Variants in NTRK2 observed in about 807,000 individuals in gnomAD.
NTRK2 encodes the protein BDNF/NT-3 growth factors receptor.
A neutral mutation model predicts 94.5 loss-of-function variants in NTRK2; 13 were observed. That is an observed-to-expected ratio of 0.14 (90% CI 0.09 to 0.22). NTRK2 has a LOEUF of 0.22. Ranked by LOEUF, NTRK2 falls within the 10% of genes least tolerant of loss-of-function variation. The pLI is 1.00. For missense variants in NTRK2, 639 were observed against 1,071.2 expected (o/e 0.60, Z 5.63); for synonymous variants, 372 against 407.4 (o/e 0.91, Z 1.05).
intron 14 of NTRK2, among the ~76,000 whole-genome samples, chr9:84,908,538 A>T (rs922171212): frequency 6.6e-6 from 1 of 152,322 alleles, no homozygotes; most frequent in East Asian, 1.9e-4. Flanking sequence ...TATTTCTCTC[A>T]TTTGCAGCAA....
intron 6 of NTRK2, among the ~76,000 whole-genome samples, chr9:84,714,626 G>T (rs1215082629): frequency 6.6e-6 from 1 of 152,048 alleles, no homozygotes; most frequent in Non-Finnish European, 1.5e-5. Flanking sequence ...CTAGAATGTT[G>T]GATTTAAATT....
At chr9:84,974,003 T>C (rs953666066) in intron 17 of NTRK2, among the ~76,000 whole-genome samples, 4 of 152,144 alleles carry the variant, frequency 2.6e-5, no homozygotes, top group African/African-American at 9.7e-5. Flanking sequence ...CATCAGAAGA[T>C]GCATTTTATC....
intron 14 of NTRK2, chr9:84,871,691 A>G: frequency 2.0e-6 from 2 of 1,003,000 alleles, no homozygotes; most frequent in South Asian, 2.5e-5. Context: ...TTTCATTTAC[A>G]AAGTCCAGAG....
At chr9:84,869,050 C>T (rs771081576) in intron 14 of NTRK2, among the ~76,000 whole-genome samples, 3 of 152,124 alleles carry the variant, frequency 2.0e-5, no homozygotes, top group Non-Finnish European at 2.9e-5. Context: ...ATCGAACAAA[C>T]GAGCAAGAGA....
At chr9:84,690,397 T>C (rs2131536123) in intron 2 of NTRK2, among the ~76,000 whole-genome samples, 1 of 152,372 alleles carries the variant, frequency 6.6e-6, no homozygotes, top group Admixed American at 6.5e-5. Context: ...TGTGTTCTGC[T>C]GTGATTCGTG....
At chr9:84,818,352 T>G (rs969520661) in intron 12 of NTRK2, among the ~76,000 whole-genome samples, 3 of 152,188 alleles carry the variant, frequency 2.0e-5, no homozygotes, top group African/African-American at 7.2e-5. Context: ...CTTAGGTTCA[T>G]GCAAGTGCCC....
At chr9:84,918,297 C>A (rs940348310) in intron 14 of NTRK2, among the ~76,000 whole-genome samples, 1 of 151,930 alleles carries the variant, frequency 6.6e-6, no homozygotes, top group African/African-American at 2.4e-5. Flanking sequence ...TGATGTCTTC[C>A]TACCTCTTTT....
intron 12 of NTRK2, among the ~76,000 whole-genome samples, chr9:84,833,287 G>A (rs970024913): frequency 6.6e-6 from 1 of 152,160 alleles, no homozygotes; most frequent in African/African-American, 2.4e-5. Context: ...ATCCACACTA[G>A]AGGAACTAAG....
At chr9:84,799,874 C>T (rs1383115885) in intron 12 of NTRK2, among the ~76,000 whole-genome samples, 3 of 152,138 alleles carry the variant, frequency 2.0e-5, no homozygotes, top group Non-Finnish European at 2.9e-5. Flanking sequence ...AACATCTAAA[C>T]CATGATATTC....
At chr9:84,685,215 T>A (rs559860449) in intron 2 of NTRK2, among the ~76,000 whole-genome samples, 9 of 152,260 alleles carry the variant, frequency 5.9e-5, no homozygotes, top group South Asian at 2.1e-4. Context: ...AGTTATGTAA[T>A]GCTATCTTTC....
intron 12 of NTRK2, among the ~76,000 whole-genome samples, chr9:84,759,990 T>A (rs1301856864): frequency 6.6e-6 from 1 of 152,210 alleles, no homozygotes. Flanking sequence ...TGGGAATACA[T>A]TTAGCTCTAA....
intron 12 of NTRK2, among the ~76,000 whole-genome samples, chr9:84,772,662 C>T (rs1286377418): frequency 1.3e-5 from 2 of 152,116 alleles, no homozygotes; most frequent in Non-Finnish European, 2.9e-5. Flanking sequence ...ATGTAAGAAG[C>T]CCCACAAAAG....
At chr9:84,790,075 C>T (rs531014905) in intron 12 of NTRK2, among the ~76,000 whole-genome samples, 7 of 152,266 alleles carry the variant, frequency 4.6e-5, no homozygotes, top group South Asian at 2.1e-4. Context: ...TTTTTTAGTA[C>T]GGACATCCTC....
At chr9:84,673,757 C>T (rs983004400) in intron 2 of NTRK2, among the ~76,000 whole-genome samples, 1 of 152,076 alleles carries the variant, frequency 6.6e-6, no homozygotes, top group African/African-American at 2.4e-5. Context: ...GTCATTGAAC[C>T]TATTTTATTA....
chr9:85,021,305 C>T lies in NTRK2; in HGVS notation c.2385C>T (p.Pro795=), dbSNP rs760177070. The T allele has an allele frequency of 3.7e-6, 6 of 1,614,078 alleles. No individual in the cohort carries two copies. The South Asian group carries it at 6.6e-5, about 18-fold the overall frequency. The change falls in exon 19 of 19, where the codon CCC becomes CCT. Residue 795 remains proline (P), a synonymous_variant. Transcript: ENST00000277120. The part of the protein sequence containing the change: ...GRVLQRPRTC[P]QEVYELMLGC... ...TCCTGCAGCGACCCCGCACGTGCCCCCAGGAGGTGTATGAGCTGATGCTGG... is the reference window on the plus strand; with the variant it reads ...TCCTGCAGCGACCCCGCACGTGCCCTCAGGAGGTGTATGAGCTGATGCTGG...
At chr9:84,957,639 G>T (rs1564501764) in intron 17 of NTRK2, among the ~76,000 whole-genome samples, 1 of 152,172 alleles carries the variant, frequency 6.6e-6, no homozygotes, top group Admixed American at 6.5e-5. Flanking sequence ...TACTCTCCTG[G>T]TGGGAATGTG....
intron 15 of NTRK2, among the ~76,000 whole-genome samples, chr9:84,942,593 A>G (rs956696889): frequency 1.3e-5 from 2 of 152,210 alleles, no homozygotes; most frequent in African/African-American, 4.8e-5. Context: ...CACATTTGTA[A>G]TTTTGAACTT....
chr9:84,954,281 A>G (rs1823833279), intron 16 of NTRK2, among the ~76,000 whole-genome samples: 2 of 152,152 alleles, frequency 1.3e-5, no homozygotes, highest in African/African-American at 4.8e-5. Flanking sequence ...ACCAGGGGCA[A>G]TGACGCTCAT....
At chr9:84,756,229 G>C (rs868613068) in intron 12 of NTRK2, among the ~76,000 whole-genome samples, 1 of 152,170 alleles carries the variant, frequency 6.6e-6, no homozygotes, top group African/African-American at 2.4e-5. Flanking sequence ...GAATTTTCCA[G>C]AACAGCTCCA....
Sources: allele counts gnomAD v4.1 joint callset (sites outside exome capture counted in the v4.1 genomes callset), GRCh38; gene constraint gnomAD v4.1.1; transcripts MANE v1.5; gene names NCBI Gene and HGNC (gene_info 2026-07-23, HGNC 2026-07-21).